The following BMP10 variants were observed in gnomAD, a reference collection of about 807,000 sequenced individuals.
BMP10 encodes the protein bone morphogenetic protein 10.
In BMP10, 9 loss-of-function variants were observed where a neutral mutation model predicts 29.9. The ratio of observed to expected loss-of-function variants is 0.30; its 90% CI spans 0.18 to 0.53. BMP10 has a LOEUF of 0.53. Among genes scored for constraint, BMP10 ranks in the 20% least tolerant of loss-of-function variants. The pLI, the probability that BMP10 is intolerant of heterozygous loss-of-function variation, is 0.96. For synonymous variants in BMP10, 202 were observed against 200.2 expected (o/e 1.01, Z -0.07); for missense variants, 474 against 524.3 (o/e 0.90, Z 0.94).
At position 68,865,078 on chromosome 2, in the gene BMP10, C is replaced by T. The variant is rs1282336585; in HGVS notation, c.*553G>A. Reference sequence around the variant, plus strand: ...AACCCTTCCCTTCAAGCATCCTTTGCCAGGCCCCTCCTCTCTGAGCAACTA... The same window carrying T: ...AACCCTTCCCTTCAAGCATCCTTTGTCAGGCCCCTCCTCTCTGAGCAACTA... On this transcript the variant is annotated 3_prime_UTR_variant, in exon 2 of 2. Coordinates refer to ENST00000295379, the MANE Select transcript of BMP10 (RefSeq NM_014482.3). The surrounding 1 kb of genome is among the most constrained non-coding windows in gnomAD (Gnocchi z 4.7). Among the ~76,000 whole-genome samples, 1 of 152,196 alleles carries T rather than the reference C, an allele frequency of 6.6e-6. No homozygotes were observed. The highest frequency in any genetic ancestry group is 1.5e-5 in the Non-Finnish European group (1 of 68,036).
At chr2:68,868,259 A>T (rs1349773872) in intron 1 of BMP10, among the ~76,000 whole-genome samples, 1 of 152,004 alleles carries the variant, frequency 6.6e-6, no homozygotes, top group Non-Finnish European at 1.5e-5. Flanking sequence ...ACCTTTTCAC[A>T]TGTTCTTCTG....
chr2:68,865,954 C>G lies in BMP10; in HGVS notation c.952G>C (p.Ala318Pro). ...YDSTARIRRN[A>P]KGNYCKRTPL... ...GTCCTCTTACAGTAGTTTCCTTTGGCGTTCCTTCTGATTCGGGCAGTGGAG... is the reference window on the plus strand; with the variant it reads ...GTCCTCTTACAGTAGTTTCCTTTGGGGTTCCTTCTGATTCGGGCAGTGGAG... The change falls in exon 2 of 2, where the codon GCC becomes CCC. Residue 318 changes from alanine (A) to proline (P), a missense_variant. By Grantham distance (27) the Ala-to-Pro change is conservative. Coordinates refer to ENST00000295379, the MANE Select transcript of BMP10 (RefSeq NM_014482.3). This position sits in a 1 kb window ranked among gnomAD's most constrained non-coding sequence, Gnocchi z 4.7. 1 of 1,614,028 alleles carries G rather than the reference C, an allele frequency of 6.2e-7. No individual in the cohort carries two copies. Among genetic ancestry groups the G allele is most frequent in the Non-Finnish European group, 8.5e-7 (1 of 1,179,980 alleles).
chr2:68,870,740 C>G (rs1294398658), intron 1 of BMP10, among the ~76,000 whole-genome samples: 1 of 152,136 alleles, frequency 6.6e-6, no homozygotes, highest in African/African-American at 2.4e-5. Context: ...CTTTGTATTA[C>G]TTGGTGTTCA....
Position 68,865,655 on chromosome 2 carries a change from G to A in BMP10, c.1251C>T (p.Ala417=), listed in dbSNP as rs750817496. 32 of 1,613,830 alleles carry A rather than the reference G, an allele frequency of 2.0e-5. No individual in the cohort carries two copies. In the East Asian group the frequency reaches 4.5e-4, roughly 22 times the overall value. The change falls in exon 2 of 2, where the codon GCC becomes GCT. Residue 417 remains alanine (A), a synonymous_variant. Coordinates refer to ENST00000295379, the MANE Select transcript of BMP10 (RefSeq NM_014482.3). The surrounding 1 kb of genome is among the most constrained non-coding windows in gnomAD (Gnocchi z 4.7). Reference sequence around the variant, plus strand: ...TCTATCTACAGCCACATTCGGAGACGGCCATGCCTTCGTATTTAAACTTGT... The same window carrying A: ...TCTATCTACAGCCACATTCGGAGACAGCCATGCCTTCGTATTTAAACTTGT... The part of the protein sequence containing the change: ...VTYKFKYEGM[A]VSECGCR
In BMP10 at chr2:68,866,088, A is replaced by T. The variant is rs1486696884; in HGVS notation, c.818T>A (p.Met273Lys). The T allele has an allele frequency of 1.2e-6, 2 of 1,613,952 alleles. No homozygotes were observed. Among genetic ancestry groups the T allele is most frequent in the Non-Finnish European group, 1.7e-6 (2 of 1,179,988 alleles). Residue 273 changes from methionine (M) to lysine (K), a missense_variant, in exon 2 of 2, where the codon ATG (methionine) becomes AAG (lysine). Physicochemically the swap from Met to Lys is moderately conservative, Grantham distance 95. Around this residue, in one of 2 missense-constraint regions of BMP10, gnomAD observed 408 missense variants for 415.3 expected, o/e 0.98. Transcript: ENST00000295379. ...DKERKEELNE[M>K]ISHEQLPELD... ...CTCTGGAAGTTGCTCATGGGAAATC[A>T]TTTCATTCAGTTCCTCCTTCCTCTC...
In BMP10 at chr2:68,866,243, C is replaced by T. The variant is rs756324872; in HGVS notation, c.663G>A (p.Glu221=). ...QKSGSSTHQL[E]VHIESKHDEA... Reference sequence around the variant, plus strand: ...CATCGTGTTTGCTCTCAATGTGGACCTCCAGCTGGTGGGTGGATGAGCCTG... The same window carrying T: ...CATCGTGTTTGCTCTCAATGTGGACTTCCAGCTGGTGGGTGGATGAGCCTG... The change falls in exon 2 of 2, where the codon GAG becomes GAA. Residue 221 remains glutamate (E), a synonymous_variant. Transcript: ENST00000295379. 42 of 1,613,908 alleles carry T rather than the reference C, an allele frequency of 2.6e-5. No individual in the cohort carries two copies. Among genetic ancestry groups the T allele is most frequent in the Non-Finnish European group, 3.6e-5 (42 of 1,179,984 alleles).
chr2:68,862,441 A>G lies in BMP10; in HGVS notation c.*3190T>C, dbSNP rs544883230. ...AAAATAAAATATTTGGTATTCTACA[A>G]TATTTTACAAAAATAAATATATCAA... On this transcript the variant is annotated 3_prime_UTR_variant, in exon 2 of 2. Transcript: ENST00000295379. Among the ~76,000 whole-genome samples, 49 of 152,054 alleles carry G rather than the reference A, an allele frequency of 3.2e-4. No individual in the cohort carries two copies. Among genetic ancestry groups the G allele is most frequent in the African/African-American group, 1.2e-3 (49 of 41,298 alleles).
chr2:68,863,241 G>A lies in BMP10; in HGVS notation c.*2390C>T, dbSNP rs765644036. Among the ~76,000 whole-genome samples, 19 of 152,188 alleles carry A rather than the reference G, an allele frequency of 1.2e-4. No homozygotes were observed. Among genetic ancestry groups the A allele is most frequent in the Admixed American group, 1.0e-3 (16 of 15,282 alleles). ...AGCTCAAGATAGACCATGTAGGAGC[G>A]TTTGCAGCATTGAAATCCACAAATC... On this transcript the variant is annotated 3_prime_UTR_variant, in exon 2 of 2. Transcript: ENST00000295379.
Position 68,871,262 on chromosome 2 carries a change from C to G in BMP10, c.97G>C (p.Glu33Gln). The change falls in exon 1 of 2, where the codon GAA (glutamate) becomes CAA (glutamine). Residue 33 changes from glutamate (E) to glutamine (Q), a missense_variant. Glu to Gln is a conservative substitution (Grantham distance 29, BLOSUM62 2). Coordinates refer to ENST00000295379, the MANE Select transcript of BMP10 (RefSeq NM_014482.3). Reference protein sequence around the residue: ...PIMNLEQSPLEEDMSLFGDVF... With the variant: ...PIMNLEQSPLQEDMSLFGDVF... ...TCACCAAAGAGGGACATATCTTCTT[C>G]CAGAGGAGACTGCTCTAGGTTCATG... The G allele has an allele frequency of 6.2e-7, 1 of 1,614,130 alleles. No homozygotes were observed.
In BMP10 at chr2:68,866,193, C is replaced by T. The variant is rs778579679; in HGVS notation, c.713G>A (p.Arg238Gln). 35 of 1,613,858 alleles carry T rather than the reference C, an allele frequency of 2.2e-5. No individual in the cohort carries two copies. The highest frequency in any genetic ancestry group is 8.3e-5 in the Admixed American group (5 of 59,972). Reference protein sequence around the residue: ...HDEAEDASSGRLEIDTSAQNK... With the variant: ...HDEAEDASSGQLEIDTSAQNK... ...CTGGGCACTGGTATCTATTTCTAGC[C>T]GTCCACTGCTGGCATCCTCAGCTTC... The change falls in exon 2 of 2, where the codon CGG becomes CAG. Residue 238 changes from arginine (R) to glutamine (Q), a missense_variant. This residue lies in a region of BMP10 where 408 missense variants were observed against 415.3 expected (regional missense o/e 0.98). Transcript: ENST00000295379.
Position 68,866,240 on chromosome 2 carries a change from G to T in BMP10, c.666C>A (p.Val222=). The T allele has an allele frequency of 6.2e-7, 1 of 1,613,984 alleles. No homozygotes were observed. The highest frequency in any genetic ancestry group is 8.5e-7 in the Non-Finnish European group (1 of 1,179,962). The change falls in exon 2 of 2, where the codon GTC becomes GTA. Residue 222 remains valine, a synonymous_variant. Transcript: ENST00000295379. ...KSGSSTHQLE[V]HIESKHDEAE... ...CTTCATCGTGTTTGCTCTCAATGTG[G>T]ACCTCCAGCTGGTGGGTGGATGAGC...
At position 68,871,230 on chromosome 2, in the gene BMP10, G is replaced by A. The variant is rs370273077; in HGVS notation, c.129C>T (p.Phe43=). 198 of 1,614,156 alleles carry A rather than the reference G, an allele frequency of 1.2e-4. No individual in the cohort carries two copies. In the South Asian group the frequency reaches 2.0e-3, roughly 16 times the overall value. The change falls in exon 1 of 2, where the codon TTC becomes TTT. Residue 43 remains phenylalanine, a synonymous_variant. Coordinates refer to ENST00000295379, the MANE Select transcript of BMP10 (RefSeq NM_014482.3). ...TAAAGTCGACACCGTCTTGCTCTGA[G>A]AAAACATCACCAAAGAGGGACATAT... is the stretch of plus-strand genomic sequence containing the variant. The part of the protein sequence containing the change: ...EEDMSLFGDV[F]SEQDGVDFNT...
rs114326852 is a variant in BMP10 at position 68,861,216 on chromosome 2, A to G, written c.*4415T>C. On this transcript the variant is annotated 3_prime_UTR_variant, in exon 2 of 2. Transcript: ENST00000295379. ...GTTTTACCCCAGAACATGACCGTGC[A>G]TCAGCTGATTCGGTGTGTCTGTGGT... Among the ~76,000 whole-genome samples the G allele has an allele frequency of 4.9e-3, 743 of 152,324 alleles. 3 individuals are homozygous for G. Among genetic ancestry groups the G allele is most frequent in the African/African-American group, 0.017 (699 of 41,570 alleles).
chr2:68,865,690 C>T lies in BMP10; in HGVS notation c.1216G>A (p.Val406Ile), dbSNP rs779079019. 1.9e-6 allele frequency: 3 copies of T among 1,614,086 alleles called. No homozygotes were observed. Among genetic ancestry groups the T allele is most frequent in the South Asian group, 1.1e-5 (1 of 91,082 alleles). Residue 406 changes from valine (V) to isoleucine (I), a missense_variant, in exon 2 of 2, where the codon GTC (valine) becomes ATC (isoleucine). Around this residue, in one of 2 missense-constraint regions of BMP10, gnomAD observed 66 missense variants for 109.0 expected, o/e 0.61. Transcript: ENST00000295379. The surrounding 1 kb of genome is among the most constrained non-coding windows in gnomAD (Gnocchi z 4.7). The part of the protein sequence containing the change: ...PISILYLDKG[V>I]VTYKFKYEGM... ...TCGTATTTAAACTTGTAGGTGACGA[C>T]GCCTTTGTCTAAATAGAGGATGGAG...
chr2:68,870,275 CAAAA>C (rs1683043483), intron 1 of BMP10, among the ~76,000 whole-genome samples: 2 of 151,936 alleles, frequency 1.3e-5, no homozygotes, highest in African/African-American at 4.8e-5. Context: ...AACAAACAAA[CAAAA>C]ACATTAACTT....
chr2:68,871,079 T>C lies in BMP10; in HGVS notation c.280A>G (p.Thr94Ala), dbSNP rs1683057134. 2 of 1,614,052 alleles carry C rather than the reference T, an allele frequency of 1.2e-6. No homozygotes were observed. The highest frequency in any genetic ancestry group is 1.7e-6 in the Non-Finnish European group (2 of 1,179,992). Residue 94 changes from threonine (T) to alanine (A), a missense_variant, in exon 1 of 2, where the codon ACA (threonine) becomes GCA (alanine). This residue lies in a region of BMP10 where 408 missense variants were observed against 415.3 expected (regional missense o/e 0.98). Coordinates refer to ENST00000295379, the MANE Select transcript of BMP10 (RefSeq NM_014482.3). ...GCAGAGGGCATGGAGGTCCGATCTGTTGCAAATTTGTTGTAGAGTTCCAAC... is the reference window on the plus strand; with the variant it reads ...GCAGAGGGCATGGAGGTCCGATCTGCTGCAAATTTGTTGTAGAGTTCCAAC... Reference protein sequence around the residue: ...YMLELYNKFATDRTSMPSANI... With the variant: ...YMLELYNKFAADRTSMPSANI...
chr2:68,869,930 A>T (rs1027573876), intron 1 of BMP10, among the ~76,000 whole-genome samples: 12 of 152,150 alleles, frequency 7.9e-5, no homozygotes, highest in African/African-American at 2.9e-4. Context: ...ACCTCCTTTG[A>T]GTCACTCAAC....
rs1379931641 is a variant in BMP10 at position 68,861,545 on chromosome 2, A to G, written c.*4086T>C. Among the ~76,000 whole-genome samples the G allele has an allele frequency of 2.0e-5, 3 of 152,202 alleles. No homozygotes were observed. Among genetic ancestry groups the G allele is most frequent in the Admixed American group, 6.5e-5 (1 of 15,272 alleles). On this transcript the variant is annotated 3_prime_UTR_variant, in exon 2 of 2. Coordinates refer to ENST00000295379, the MANE Select transcript of BMP10 (RefSeq NM_014482.3). ...TCATACCAGCATTTCCTCTTGCACC[A>G]TATGTGAGCTTGCAGAACTGCAAAG... is the stretch of plus-strand genomic sequence containing the variant.
chr2:68,866,384 T>G lies in BMP10; in HGVS notation c.522A>C (p.Lys174Asn). 1 of 1,613,966 alleles carries G rather than the reference T, an allele frequency of 6.2e-7. No individual in the cohort carries two copies. The highest frequency in any genetic ancestry group is 1.1e-5 in the South Asian group (1 of 91,062). ...KITIFEVLES[K>N]GDNEGERNML... ...TGTTTCTTTCTCCCTCATTATCCCC[T>G]TTGCTCTCCAGCACTTCAAAAATGG... Residue 174 changes from lysine to asparagine, a missense_variant, in exon 2 of 2, where the codon AAA becomes AAC. Lys to Asn is a moderately conservative substitution (Grantham distance 94). Coordinates refer to ENST00000295379, the MANE Select transcript of BMP10 (RefSeq NM_014482.3).
Sources: gnomAD v4.1 joint callset for allele counts (sites outside exome capture counted in the v4.1 genomes callset) on GRCh38, gnomAD v4.1.1 for gene constraint, gnomAD v4.1.1 regional missense constraint, Gnocchi (gnomAD v3.1) non-coding constraint, MANE v1.5 for transcripts, NCBI Gene and HGNC (gene_info 2026-07-23, HGNC 2026-07-21) for gene names.